The following CEP128 variants were observed in gnomAD, a reference collection of about 807,000 sequenced individuals.
The protein encoded by CEP128 is centrosomal protein 128.
Under a neutral mutation model 156.7 loss-of-function variants are expected in CEP128, and 132 were observed. The observed-to-expected ratio is 0.84, with a 90% CI of 0.73 to 0.97. CEP128 has a LOEUF of 0.97. Among genes scored for constraint, CEP128 ranks in the 50% least tolerant of loss-of-function variants. The pLI, the probability that CEP128 is intolerant of heterozygous loss-of-function variation, is 0.00. For synonymous variants in CEP128, 469 were observed against 448.9 expected (o/e 1.04, Z -0.57); for missense variants, 1,252 against 1,281.9 (o/e 0.98, Z 0.36).
chr14:80,696,852 T>C (rs1474825159), intron 19 of CEP128, among the ~76,000 whole-genome samples: 7 of 152,186 alleles, frequency 4.6e-5, no homozygotes, highest in Non-Finnish European at 8.8e-5. Context: ...CTAGATGGAA[T>C]ATAAAATTCA....
At chr14:80,631,328 T>C (rs570895509) in intron 19 of CEP128, among the ~76,000 whole-genome samples, 2 of 152,054 alleles carry the variant, frequency 1.3e-5, no homozygotes, top group African/African-American at 2.4e-5. Flanking sequence ...AGCAATTGCA[T>C]GATATATAGG....
intron 19 of CEP128, among the ~76,000 whole-genome samples, chr14:80,621,912 C>T (rs1893495786): frequency 6.6e-6 from 1 of 152,028 alleles, no homozygotes; most frequent in Non-Finnish European, 1.5e-5. Flanking sequence ...TATGACAGCC[C>T]CAAGAGAATG....
At chr14:80,793,833 T>G (rs1725114898) in intron 13 of CEP128, among the ~76,000 whole-genome samples, 1 of 152,320 alleles carries the variant, frequency 6.6e-6, no homozygotes, top group African/African-American at 2.4e-5. Flanking sequence ...TCATCATGAT[T>G]AATACATATT....
intron 21 of CEP128, among the ~76,000 whole-genome samples, chr14:80,556,249 C>G (rs924549780): frequency 1.3e-5 from 2 of 152,134 alleles, no homozygotes; most frequent in Non-Finnish European, 2.9e-5. Context: ...TAGCATATAG[C>G]ACTGACCAGG....
intron 12 of CEP128, among the ~76,000 whole-genome samples, chr14:80,835,548 A>G (rs1216544554): frequency 1.3e-5 from 2 of 152,230 alleles, no homozygotes; most frequent in Admixed American, 6.5e-5. Flanking sequence ...ACAGAAGCTG[A>G]GCAATGTGAA....
At chr14:80,600,074 GAC>G (rs1892518431) in intron 19 of CEP128, among the ~76,000 whole-genome samples, 1 of 152,102 alleles carries the variant, frequency 6.6e-6, no homozygotes, top group South Asian at 2.1e-4. Context: ...ATCCTCAGAA[GAC>G]AAGAGACTGA....
At chr14:80,796,388 A>G (rs1316135206) in intron 13 of CEP128, among the ~76,000 whole-genome samples, 1 of 151,848 alleles carries the variant, frequency 6.6e-6, no homozygotes, top group Non-Finnish European at 1.5e-5. Context: ...TGAACCCAGG[A>G]GGTGGAGTTT....
intron 19 of CEP128, among the ~76,000 whole-genome samples, chr14:80,652,838 G>A (rs1894965571): frequency 6.6e-6 from 1 of 152,050 alleles, no homozygotes. Flanking sequence ...CCCATTACTG[G>A]GTATAAACCC....
chr14:80,808,482 C>T lies in CEP128; in HGVS notation c.1210-15372G>A, dbSNP rs116419691. Among the ~76,000 whole-genome samples the T allele has an allele frequency of 5.9e-3, 905 of 152,236 alleles. 9 individuals are homozygous for T. The highest frequency in any genetic ancestry group is 0.021 in the African/African-American group (867 of 41,528). On this transcript the variant is annotated intron_variant, in intron 13 of 24. Coordinates refer to ENST00000555265, the MANE Select transcript of CEP128 (RefSeq NM_152446.5). The stretch of plus-strand genomic sequence containing the variant: ...AACCCAGAGGGTCATCTCACCACTG[C>T]TACTGCCATCACTCATACCGCAGCA...
At chr14:80,579,214 A>G (rs1891484908) in intron 20 of CEP128, among the ~76,000 whole-genome samples, 1 of 152,204 alleles carries the variant, frequency 6.6e-6, no homozygotes, top group Admixed American at 6.5e-5. Context: ...CATTTAGTGT[A>G]CAAAGAGCTA....
chr14:80,876,243 A>AACAAAG (rs367733276), intron 8 of CEP128, among the ~76,000 whole-genome samples: 36 of 152,168 alleles, frequency 2.4e-4, no homozygotes, highest in African/African-American at 7.2e-4. Flanking sequence ...TATAAATAAA[A>AACAAAG]ACAAAGACAA....
chr14:80,716,695 GGCT>G (rs1897619422), intron 19 of CEP128, among the ~76,000 whole-genome samples: 1 of 152,144 alleles, frequency 6.6e-6, no homozygotes, highest in Non-Finnish European at 1.5e-5. Context: ...GTAAACATTT[GGCT>G]GCTATGTACA....
At chr14:80,562,277 T>G (rs1477616875) in intron 20 of CEP128, among the ~76,000 whole-genome samples, 1 of 152,122 alleles carries the variant, frequency 6.6e-6, no homozygotes, top group Non-Finnish European at 1.5e-5. Context: ...GAGACAGCTT[T>G]CAATAAAAAA....
At chr14:80,678,656 C>T (rs1286492112) in intron 19 of CEP128, among the ~76,000 whole-genome samples, 2 of 152,178 alleles carry the variant, frequency 1.3e-5, no homozygotes, top group African/African-American at 4.8e-5. Flanking sequence ...TGAAGAGCTT[C>T]CCTCTGTGAC....
chr14:80,529,100 C>A (rs1258703740), intron 22 of CEP128, among the ~76,000 whole-genome samples: 2 of 152,186 alleles, frequency 1.3e-5, no homozygotes, highest in Non-Finnish European at 2.9e-5. Flanking sequence ...AGTTTATGGG[C>A]TCCAAGCTTC....
chr14:80,758,927 A>G (rs1021173769), intron 17 of CEP128, among the ~76,000 whole-genome samples: 8 of 152,214 alleles, frequency 5.3e-5, no homozygotes, highest in Non-Finnish European at 1.2e-4. Flanking sequence ...GAAATTTGCA[A>G]TGACTTCCAA....
intron 20 of CEP128, among the ~76,000 whole-genome samples, chr14:80,576,442 A>G (rs1891358855): frequency 6.6e-6 from 1 of 152,228 alleles, no homozygotes; most frequent in Non-Finnish European, 1.5e-5. Flanking sequence ...AGACAATGTT[A>G]AGCTCCAATG....
At chr14:80,631,207 G>A (rs945827817) in intron 19 of CEP128, among the ~76,000 whole-genome samples, 9 of 150,728 alleles carry the variant, frequency 6.0e-5, no homozygotes, top group Non-Finnish European at 1.3e-4. Flanking sequence ...ACACTAAGTA[G>A]AGTCTTTAGC....
intron 19 of CEP128, among the ~76,000 whole-genome samples, chr14:80,591,359 C>T (rs1300774538): frequency 6.6e-6 from 1 of 151,928 alleles, no homozygotes; most frequent in Non-Finnish European, 1.5e-5. Flanking sequence ...GGTTGCAATC[C>T]TAGTCTCTGA....
Sources: gnomAD v4.1 joint callset for allele counts (sites outside exome capture counted in the v4.1 genomes callset) on GRCh38, gnomAD v4.1.1 for gene constraint, MANE v1.5 for transcripts, NCBI Gene and HGNC (gene_info 2026-07-23, HGNC 2026-07-21) for gene names.